NAV3: variants seen among roughly 807,000 people sequenced by gnomAD.
NAV3 encodes the protein neuron navigator 3.
In NAV3, 87 loss-of-function variants were observed where a neutral mutation model predicts 244.7. That is an observed-to-expected ratio of 0.36 (90% CI 0.30 to 0.42). The LOEUF is 0.42. Among genes scored for constraint, NAV3 ranks in the 20% least tolerant of loss-of-function variants. NAV3 has a pLI of 1.00. For synonymous variants in NAV3, 1,126 were observed against 1,042.2 expected (o/e 1.08, Z -1.55); for missense variants, 2,663 against 2,893.3 (o/e 0.92, Z 1.83).
At chr12:77,819,847 A>G (rs1250020513) in intron 2 of NAV3, among the ~76,000 whole-genome samples, 1 of 152,148 alleles carries the variant, frequency 6.6e-6, no homozygotes, top group Non-Finnish European at 1.5e-5. Context: ...AAGATATTTT[A>G]GGGCAACATA....
Position 77,928,242 on chromosome 12 carries a change from A to AAG in NAV3, c.244-12068_244-12067dup, listed in dbSNP as rs1555232579. ...CGCCTCAAAAAAAAAAAAAAAAAAAAAGAGAGAGAGGGAAGGAAAATGCTG... is the reference window on the plus strand; with the variant it reads ...CGCCTCAAAAAAAAAAAAAAAAAAAAAGAGAGAGAGAGGGAAGGAAAATGCTG... On this transcript the variant is annotated intron_variant, in intron 1 of 39. Transcript: ENST00000397909. Among the ~76,000 whole-genome samples the AAG allele has an allele frequency of 3.5e-3, 485 of 137,850 alleles. 26 individuals carry two copies. The highest frequency in any genetic ancestry group is 0.012 in the Middle Eastern group (3 of 242). The allele number at this position is 137,850 out of a possible 152,430, so 90.4% of individuals were successfully genotyped here.
chr12:77,733,783 T>C (rs1877218793), intron 2 of NAV3, among the ~76,000 whole-genome samples: 4 of 150,876 alleles, frequency 2.7e-5, no homozygotes, highest in Admixed American at 2.0e-4. Context: ...ATTTCACTAA[T>C]AGGCCACTCA....
chr12:77,582,083 C>A (rs1869391413), intron 2 of NAV3, among the ~76,000 whole-genome samples: 1 of 152,164 alleles, frequency 6.6e-6, no homozygotes, highest in Admixed American at 6.6e-5. Flanking sequence ...CAGGGACTTT[C>A]CCAAGATCAT....
intron 7 of NAV3, among the ~76,000 whole-genome samples, chr12:78,000,738 C>T (rs1294300022): frequency 6.7e-6 from 1 of 149,866 alleles, no homozygotes; most frequent in Non-Finnish European, 1.5e-5. Context: ...CTCCTGACCT[C>T]GTGATCCGCC....
chr12:78,104,541 A>G (rs1954704823), intron 12 of NAV3, among the ~76,000 whole-genome samples: 2 of 152,182 alleles, frequency 1.3e-5, no homozygotes, highest in South Asian at 4.1e-4. Flanking sequence ...GATTGGCCCC[A>G]TCGAGTTACT....
At chr12:77,928,222 C>CAA (rs759919821) in intron 1 of NAV3, among the ~76,000 whole-genome samples, 24,714 of 79,880 alleles carry the variant, frequency 0.31, 4,900 homozygotes, top group African/African-American at 0.44. Context: ...GGCTCCGCCT[C>CAA]AAAAAAAAAA....
At chr12:77,674,614 T>A (rs1450285477) in intron 2 of NAV3, among the ~76,000 whole-genome samples, 1 of 152,152 alleles carries the variant, frequency 6.6e-6, no homozygotes. Context: ...GACCTCAAAC[T>A]CCTGAGCCCA....
At chr12:77,961,349 T>C (rs1593126605) in intron 3 of NAV3, among the ~76,000 whole-genome samples, 1 of 142,408 alleles carries the variant, frequency 7.0e-6, no homozygotes, top group East Asian at 2.1e-4. Flanking sequence ...ATATTACACA[T>C]ATACATATAT....
At chr12:77,739,018 A>C in intron 2 of NAV3, among the ~76,000 whole-genome samples, 1 of 149,402 alleles carries the variant, frequency 6.7e-6, no homozygotes, top group African/African-American at 2.4e-5. Flanking sequence ...TCTCAAAAAA[A>C]AAAAAAAAAA....
intron 2 of NAV3, among the ~76,000 whole-genome samples, chr12:77,689,237 G>A (rs1031229832): frequency 6.6e-6 from 1 of 151,884 alleles, no homozygotes; most frequent in African/African-American, 2.4e-5. Context: ...GCTGCTAGGG[G>A]AAAGAAAAGT....
At chr12:77,754,545 A>G (rs574850767) in intron 2 of NAV3, among the ~76,000 whole-genome samples, 4 of 152,182 alleles carry the variant, frequency 2.6e-5, no homozygotes, top group Non-Finnish European at 4.4e-5. Context: ...ATAGCCCAGA[A>G]TTTGAGTTTA....
intron 2 of NAV3, among the ~76,000 whole-genome samples, chr12:77,607,750 G>A (rs1446149305): frequency 1.3e-5 from 2 of 152,006 alleles, no homozygotes. Context: ...CTTAATCCCA[G>A]ACTGCCTTGC....
In NAV3 at chr12:77,831,027, G is replaced by GA. The variant is rs35795300; in HGVS notation, c.-426dup. Reference sequence around the variant, plus strand: ...GTTCAGACTCAGACTGCTTTAGTGAGAAAAAAAAATAAGCAAAACTAAGAG... The same window carrying GA: ...GTTCAGACTCAGACTGCTTTAGTGAGAAAAAAAAAATAAGCAAAACTAAGAG... On this transcript the variant is annotated 5_prime_UTR_variant, in exon 1 of 40. Coordinates refer to ENST00000397909, the MANE Select transcript of NAV3 (RefSeq NM_001024383.2). 43,535 of 151,072 alleles carry GA rather than the reference G, an allele frequency of 0.29. 7,043 individuals carry two copies. Among genetic ancestry groups the GA allele is most frequent in the East Asian group, 0.45 (2,314 of 5,098 alleles). 9.4% of individuals were successfully genotyped at this position (151,072 alleles called of 1,614,324 possible).
Position 77,596,650 on chromosome 12 carries a change from C to T in NAV3, c.72+24384C>T, listed in dbSNP as rs566034275. 3.9e-5 allele frequency among the ~76,000 whole-genome samples: 6 copies of T among 152,162 alleles called. No individual in the cohort carries two copies. The South Asian group carries it at 1.2e-3, about 32-fold the overall frequency. On this transcript the variant is annotated intron_variant, in intron 2 of 8. Coordinates refer to the NAV3 transcript ENST00000550042. Reference sequence around the variant, plus strand: ...TGACACTTTCTCAGCTTGCAAGGCACTCAAAGAACAAGAGAGAAAAACATT... The same window carrying T: ...TGACACTTTCTCAGCTTGCAAGGCATTCAAAGAACAAGAGAGAAAAACATT...
chr12:77,896,178 C>A (rs1884611785), intron 1 of NAV3, among the ~76,000 whole-genome samples: 1 of 152,052 alleles, frequency 6.6e-6, no homozygotes, highest in Non-Finnish European at 1.5e-5. Flanking sequence ...TGTCAGGCCA[C>A]AGAATTAACC....
chr12:77,614,104 C>T (rs1485214134), intron 2 of NAV3, among the ~76,000 whole-genome samples: 4 of 107,762 alleles, frequency 3.7e-5, no homozygotes, highest in Non-Finnish European at 5.3e-5. Flanking sequence ...TTTTTTTTAA[C>T]ACAGGGTCTC....
chr12:77,645,805 G>A (rs1872586731), intron 2 of NAV3, among the ~76,000 whole-genome samples: 1 of 152,034 alleles, frequency 6.6e-6, no homozygotes, highest in Admixed American at 6.6e-5. Flanking sequence ...ATGTTTCCAA[G>A]AGAGGGTTGT....
intron 2 of NAV3, among the ~76,000 whole-genome samples, chr12:77,600,739 A>G (rs1264251876): frequency 6.6e-6 from 1 of 151,970 alleles, no homozygotes; most frequent in African/African-American, 2.4e-5. Context: ...CAGCAGATTC[A>G]TCCCAGGACA....
chr12:78,085,700 T>G (rs574255063), intron 12 of NAV3, among the ~76,000 whole-genome samples: 1 of 152,132 alleles, frequency 6.6e-6, no homozygotes, highest in African/African-American at 2.4e-5. Context: ...GCAGGCAGTT[T>G]GAAATGGAAA....
Sources: gnomAD v4.1 joint callset for allele counts (sites outside exome capture counted in the v4.1 genomes callset) on GRCh38, gnomAD v4.1.1 for gene constraint, MANE v1.5 for transcripts, NCBI Gene and HGNC (gene_info 2026-07-23, HGNC 2026-07-21) for gene names.